Variants in DDX55 observed in about 807,000 individuals in gnomAD.
DDX55 encodes DEAD-box helicase 55.
In DDX55, 56 loss-of-function variants were observed where a neutral mutation model predicts 69.2. That is an observed-to-expected ratio of 0.81 (90% CI 0.65 to 1.01). The LOEUF (loss-of-function observed/expected upper bound fraction) is 1.01. Ranked by LOEUF, DDX55 falls within the 50% of genes least tolerant of loss-of-function variation. The pLI is 0.00. For synonymous variants in DDX55, 268 were observed against 273.1 expected, an observed-to-expected ratio of 0.98 and a Z score of 0.18; for missense variants, 720 against 745.1, an observed-to-expected ratio of 0.97 and a Z score of 0.39.
Position 123,608,741 on chromosome 12 carries a change from G to A in DDX55, c.463G>A (p.Gly155Ser). Residue 155 changes from glycine to serine, a missense_variant, in exon 6 of 14, where the codon GGC becomes AGC. Coordinates refer to ENST00000238146, the MANE Select transcript of DDX55 (RefSeq NM_020936.3). ...GGACATGTTCCGGAGGAAGGCCGAA[G>A]GCTTGGATCTGGCCAGCTGTGTGCG... The part of the protein sequence containing the change: ...LEDMFRRKAE[G>S]LDLASCVRSL... 6.2e-7 allele frequency: 1 copy of A among 1,614,204 alleles called. No individual in the cohort carries two copies. The highest frequency in any genetic ancestry group is 8.5e-7 in the Non-Finnish European group (1 of 1,180,036).
chr12:123,617,976 G>A, intron 11 of DDX55, 104 bp downstream of exon 11: 1 of 1,145,978 alleles, frequency 8.7e-7, no homozygotes, highest in Non-Finnish European at 1.3e-6. Context: ...CAAACTCACT[G>A]GGGCTGGGCT....
In DDX55 at chr12:123,619,516, A is replaced by AT. The variant is rs752464335; in HGVS notation, c.1422dup (p.Val475CysfsTer6). On this transcript the variant is annotated frameshift_variant, in exon 13 of 14. Transcript: ENST00000238146. LOFTEE classifies it high-confidence loss of function. ...GAATTGAGAGGAAAGCAGTTTCCAG[A>AT]TTTTGTGCCCGTGGACGTTAATACC... 4.3e-6 allele frequency: 7 copies of AT among 1,613,924 alleles called. No homozygotes were observed. In the African/African-American group the frequency reaches 8.0e-5, roughly 18 times the overall value.
intron 9 of DDX55, 37 bp downstream of exon 9, chr12:123,615,353 C>G (rs1418743427): frequency 2.5e-6 from 4 of 1,609,142 alleles, no homozygotes; most frequent in Non-Finnish European, 3.4e-6. Flanking sequence ...GCTCTCCTGC[C>G]ACACTGCTCT....
intron 8 of DDX55, among the ~76,000 whole-genome samples, chr12:123,614,553 G>A (rs1209103906): frequency 6.6e-6 from 1 of 152,198 alleles, no homozygotes; most frequent in Non-Finnish European, 1.5e-5. Context: ...TGCCGGGTAA[G>A]GAGCTCACAG....
chr12:123,605,336 G>C (rs1953822401), intron 1 of DDX55: 1 of 164,250 alleles, frequency 6.1e-6, no homozygotes, highest in Non-Finnish European at 1.3e-5. Flanking sequence ...CCTGGGTTTT[G>C]ACAACCAAAA....
Position 123,607,538 on chromosome 12 carries a change from G to C in DDX55, c.338+15G>C, listed in dbSNP as rs757879112. 1.9e-6 allele frequency: 3 copies of C among 1,614,216 alleles called. No individual in the cohort carries two copies. Among genetic ancestry groups the C allele is most frequent in the South Asian group, 2.2e-5 (2 of 91,086 alleles). ...CCCGAGTTCAGGTGAATTGGATGCA[G>C]TGTCCCTGTTAGTCATGGGCTGTTT... is the stretch of plus-strand genomic sequence containing the variant. On this transcript the variant is annotated intron_variant, in intron 4 of 13. Transcript: ENST00000238146.
chr12:123,618,464 C>A, intron 11 of DDX55: 1 of 1,470,334 alleles, frequency 6.8e-7, no homozygotes, highest in Non-Finnish European at 9.2e-7. Flanking sequence ...TTAGGATTGT[C>A]ATGTGAAATC....
intron 8 of DDX55, among the ~76,000 whole-genome samples, chr12:123,613,701 T>C (rs1212934339): frequency 6.6e-6 from 1 of 152,208 alleles, no homozygotes; most frequent in Non-Finnish European, 1.5e-5. Flanking sequence ...ACTTCAGCTG[T>C]GAATTCATCT....
At position 123,613,261 on chromosome 12, in the gene DDX55, C is replaced by G; in HGVS notation, c.824+9C>G. On this transcript the variant is annotated intron_variant, in intron 8 of 13. Transcript: ENST00000238146. ...CACCTGGTCTTCTTCAGGTACTCCT[C>G]TGGTCTCTGTGGTAGAGGCATCAGG... The G allele has an allele frequency of 6.2e-7, 1 of 1,613,982 alleles. No individual in the cohort carries two copies. The highest frequency in any genetic ancestry group is 1.1e-5 in the South Asian group (1 of 91,074).
At chr12:123,606,224 C>G in intron 3 of DDX55, 65 bp downstream of exon 3, 33 of 1,577,568 alleles carry the variant, frequency 2.1e-5, no homozygotes, top group Non-Finnish European at 2.7e-5. Context: ...GATTAAGAAG[C>G]TGGCTACAAA....
At chr12:123,603,392 C>CTTTTT (rs11438746) in intron 1 of DDX55, among the ~76,000 whole-genome samples, 3 of 128,572 alleles carry the variant, frequency 2.3e-5, no homozygotes, top group Non-Finnish European at 3.2e-5. Flanking sequence ...GGTTTTTATT[C>CTTTTT]TTTTTTTTTT....
chr12:123,606,145 T>A lies in DDX55; in HGVS notation c.232T>A (p.Leu78Ile), dbSNP rs116717261. ...LEILLRREEKLKKSQVGAIII... is the reference protein window; with the variant it reads ...LEILLRREEKIKKSQVGAIII... ...AATTCTTCTGAGAAGAGAAGAGAAG[T>A]TAAAAAAGAGTCAGGTGAGGACAAC... The change falls in exon 3 of 14, where the codon TTA (leucine) becomes ATA (isoleucine). Residue 78 changes from leucine to isoleucine, a missense_variant. Transcript: ENST00000238146. 1.3e-4 allele frequency: 214 copies of A among 1,614,012 alleles called. No individual in the cohort carries two copies. In the African/African-American group the frequency reaches 2.3e-3, roughly 17 times the overall value.
Position 123,615,168 on chromosome 12 carries a change from C to T in DDX55, c.825-17C>T, listed in dbSNP as rs745405419. 10 of 1,613,740 alleles carry T rather than the reference C, an allele frequency of 6.2e-6. No homozygotes were observed. The highest frequency in any genetic ancestry group is 6.8e-6 in the Non-Finnish European group (8 of 1,179,754). ...CCAAAGTGGCCAATGACTCTAAGCCCTCTGTCCCTCTTGCAGCACCTGTGC... is the reference window on the plus strand; with the variant it reads ...CCAAAGTGGCCAATGACTCTAAGCCTTCTGTCCCTCTTGCAGCACCTGTGC... On this transcript the variant is annotated splice_polypyrimidine_tract_variant and intron_variant, in intron 8 of 13. Transcript: ENST00000238146.
intron 1 of DDX55, chr12:123,604,746 T>C (rs1358022997): frequency 3.3e-5 from 5 of 152,262 alleles, no homozygotes; most frequent in African/African-American, 1.2e-4. Context: ...TTTTGATATA[T>C]TGGGTTAAAT....
At chr12:123,615,410 A>C (rs959796921) in intron 9 of DDX55, 94 bp downstream of exon 9, 2 of 1,520,752 alleles carry the variant, frequency 1.3e-6, no homozygotes, top group Non-Finnish European at 1.8e-6. Flanking sequence ...TGCTGTCCGC[A>C]TGTGTTGTCT....
intron 9 of DDX55, 149 bp downstream of exon 9, chr12:123,615,465 C>G (rs1025278677): frequency 8.4e-7 from 1 of 1,187,032 alleles, no homozygotes; most frequent in African/African-American, 1.5e-5. Context: ...GTTATCACAT[C>G]TCTGTAAACA....
chr12:123,604,903 A>G (rs1953791911), intron 1 of DDX55: 1 of 152,152 alleles, frequency 6.6e-6, no homozygotes, highest in Admixed American at 6.6e-5. Context: ...CACTATTGAC[A>G]TTTTGTGCTG....
chr12:123,610,074 C>T lies in DDX55; in HGVS notation c.687C>T (p.Gly229=), dbSNP rs781650917. The T allele has an allele frequency of 7.4e-6, 12 of 1,614,042 alleles. No individual in the cohort carries two copies. The highest frequency in any genetic ancestry group is 1.3e-5 in the African/African-American group (1 of 74,912). Residue 229 remains glycine (G), a synonymous_variant, in exon 7 of 14, where the codon GGC becomes GGT. Coordinates refer to ENST00000238146, the MANE Select transcript of DDX55 (RefSeq NM_020936.3). ...NPVRVSVKEK[G]VAASSAQKTP... is the part of the protein sequence containing the mutation. Reference sequence around the variant, plus strand: ...TCCGGGTCTCAGTGAAGGAGAAGGGCGTGGCAGCCAGCAGTGCCCAGAAGA... The same window carrying T: ...TCCGGGTCTCAGTGAAGGAGAAGGGTGTGGCAGCCAGCAGTGCCCAGAAGA...
chr12:123,606,049 G>GT, intron 2 of DDX55, 24 bp from the exon 3 acceptor site: 1 of 1,509,188 alleles, frequency 6.6e-7, no homozygotes, highest in South Asian at 1.1e-5. Flanking sequence ...GGAAGAAAGG[G>GT]AAACCAAAAC....
Sources: gnomAD v4.1 joint callset for allele counts (sites outside exome capture counted in the v4.1 genomes callset) on GRCh38, gnomAD v4.1.1 for gene constraint, MANE v1.5 for transcripts, NCBI Gene and HGNC (gene_info 2026-07-23, HGNC 2026-07-21) for gene names.